Variants in DNAH6 observed in about 807,000 individuals in gnomAD.
DNAH6 encodes dynein axonemal heavy chain 6.
In DNAH6, 340 loss-of-function variants were observed where a neutral mutation model predicts 491.4. The observed-to-expected ratio is 0.69, with a 90% CI of 0.63 to 0.76. The LOEUF is 0.76. DNAH6 is among the 30% of genes least tolerant of loss of function. The probability of loss-of-function intolerance (pLI) is 0.00; values close to 1 mark genes in which losing one functional copy is unlikely to be tolerated. For missense variants in DNAH6, 4,443 were observed against 4,972.2 expected (o/e 0.89, Z 3.20); for synonymous variants, 1,603 against 1,686.1 (o/e 0.95, Z 1.21).
chr2:84,819,195 G>A (rs1005173770), intron 76 of DNAH6, 110 bp from the exon 77 acceptor site: 4 of 662,534 alleles, frequency 6.0e-6, no homozygotes, highest in Non-Finnish European at 5.1e-6. Flanking sequence ...GCATCTTTAG[G>A]GGCAAGTCAG....
chr2:84,520,769 T>C lies in DNAH6; in HGVS notation c.225+2718T>C, dbSNP rs554475718. 1.4e-4 allele frequency among the ~76,000 whole-genome samples: 21 copies of C among 152,282 alleles called. 1 individual carries two copies. Among genetic ancestry groups the C allele is most frequent in the Admixed American group, 1.2e-3 (19 of 15,292 alleles). Reference sequence around the variant, plus strand: ...GTTCTTTTTTATGGCTGTGTAGTATTTCATGGTGTATATATACCACATTTT... The same window carrying C: ...GTTCTTTTTTATGGCTGTGTAGTATCTCATGGTGTATATATACCACATTTT... On this transcript the variant is annotated intron_variant, in intron 2 of 76. Coordinates refer to ENST00000389394, the MANE Select transcript of DNAH6 (RefSeq NM_001370.2).
chr2:84,694,748 C>T (rs1218934381), intron 46 of DNAH6, among the ~76,000 whole-genome samples: 4 of 152,056 alleles, frequency 2.6e-5, no homozygotes, highest in African/African-American at 9.7e-5. Context: ...GCAAAGATAA[C>T]AGAAGGTAAT....
chr2:84,699,648 A>G lies in DNAH6; in HGVS notation c.7732A>G (p.Met2578Val), dbSNP rs1300514367. ...VRQKLHIVLC[M>V]SPVGEAFRSR... ...TCAGAAGCTGCACATTGTTCTCTGC[A>G]TGAGCCCAGTTGGGGAGGCCTTTCG... Residue 2578 changes from methionine (M) to valine (V), a missense_variant, in exon 48 of 77, where the codon ATG becomes GTG. Physicochemically the swap from Met to Val is conservative, Grantham distance 21 (BLOSUM62 1). Around this residue, in one of 3 missense-constraint regions of DNAH6, gnomAD observed 2,977 missense variants for 3,296.6 expected, o/e 0.90. Coordinates refer to ENST00000389394, the MANE Select transcript of DNAH6 (RefSeq NM_001370.2). 1.3e-6 allele frequency: 2 copies of G among 1,551,864 alleles called. No individual in the cohort carries two copies. Among genetic ancestry groups the G allele is most frequent in the South Asian group, 2.4e-5 (2 of 84,064 alleles).
intron 62 of DNAH6, among the ~76,000 whole-genome samples, chr2:84,737,804 A>G (rs1019999061): frequency 2.6e-5 from 4 of 151,708 alleles, no homozygotes; most frequent in East Asian, 1.9e-4. Context: ...GATCCTTTGT[A>G]TGGTTTTTGA....
chr2:84,699,212 A>T (rs902828038), intron 47 of DNAH6, among the ~76,000 whole-genome samples: 1 of 152,038 alleles, frequency 6.6e-6, no homozygotes, highest in South Asian at 2.1e-4. Context: ...AAAAACTCCC[A>T]TACCATGCAA....
intron 65 of DNAH6, among the ~76,000 whole-genome samples, chr2:84,783,566 T>C (rs1676901611): frequency 6.6e-6 from 1 of 152,194 alleles, no homozygotes; most frequent in Non-Finnish European, 1.5e-5. Context: ...AACTTTTAAT[T>C]TGGGCTATTT....
chr2:84,557,512 C>T (rs866561213), intron 10 of DNAH6, among the ~76,000 whole-genome samples: 7 of 150,316 alleles, frequency 4.7e-5, no homozygotes, highest in African/African-American at 1.5e-4. Flanking sequence ...TAGCTGGGCG[C>T]GGTGGCGGGC....
chr2:84,668,285 A>G (rs770015778), intron 37 of DNAH6, among the ~76,000 whole-genome samples: 1 of 152,242 alleles, frequency 6.6e-6, no homozygotes, highest in Non-Finnish European at 1.5e-5. Flanking sequence ...AAAAGAAAGT[A>G]GAGTGAATTG....
At chr2:84,485,208 T>C in the DNAH6 span, among the ~76,000 whole-genome samples, 2 of 152,088 alleles carry the variant, frequency 1.3e-5, no homozygotes, top group Non-Finnish European at 2.9e-5. Context: ...TGTTATCCGA[T>C]GGGGGGTTTG....
chr2:84,573,567 C>T lies in DNAH6; in HGVS notation c.1904C>T (p.Ala635Val). 1 of 1,576,326 alleles carries T rather than the reference C, an allele frequency of 6.3e-7. No homozygotes were observed. Among genetic ancestry groups the T allele is most frequent in the Non-Finnish European group, 8.6e-7 (1 of 1,169,530 alleles). Residue 635 changes from alanine to valine, a missense_variant, in exon 12 of 77, where the codon GCT (alanine) becomes GTT (valine). This residue lies in a region of DNAH6 where 2,977 missense variants were observed against 3,296.6 expected (regional missense o/e 0.90). Coordinates refer to ENST00000389394, the MANE Select transcript of DNAH6 (RefSeq NM_001370.2). ...FKENESLDLQ[A>V]LKLQEPDINF... Reference sequence around the variant, plus strand: ...GAAAATGAAAGTCTTGATTTACAAGCTCTTAAACTTCAGGAACCTGGTAAC... The same window carrying T: ...GAAAATGAAAGTCTTGATTTACAAGTTCTTAAACTTCAGGAACCTGGTAAC...
intron 76 of DNAH6, among the ~76,000 whole-genome samples, chr2:84,816,984 C>T (rs906834125): frequency 6.6e-6 from 1 of 151,896 alleles, no homozygotes. Flanking sequence ...TCTAGGTAAC[C>T]TGAAAGGAGA....
At chr2:84,638,317 A>G (rs982105124) in intron 31 of DNAH6, among the ~76,000 whole-genome samples, 4 of 152,052 alleles carry the variant, frequency 2.6e-5, no homozygotes, top group African/African-American at 9.7e-5. Context: ...GCTAAATTTT[A>G]TACGTATTTT....
At chr2:84,752,859 T>A (rs544018759) in intron 63 of DNAH6, among the ~76,000 whole-genome samples, 1 of 152,334 alleles carries the variant, frequency 6.6e-6, no homozygotes, top group African/African-American at 2.4e-5. Context: ...TTATGAATAA[T>A]GCTGCCATAA....
chr2:84,560,367 G>A (rs1328754816), intron 11 of DNAH6, among the ~76,000 whole-genome samples: 1 of 151,380 alleles, frequency 6.6e-6, no homozygotes, highest in Non-Finnish European at 1.5e-5. Flanking sequence ...AAAACTCATG[G>A]AAAGAAAATG....
chr2:84,547,177 A>G, intron 5 of DNAH6, 91 bp from the exon 6 acceptor site: 2 of 1,131,674 alleles, frequency 1.8e-6, no homozygotes. Context: ...GGTGTTTATT[A>G]TCCTTAATAA....
At position 84,797,569 on chromosome 2, in the gene DNAH6, C is replaced by T; in HGVS notation, c.11392C>T (p.Gln3798Ter). The T allele has an allele frequency of 6.4e-7, 1 of 1,551,782 alleles. No individual in the cohort carries two copies. The highest frequency in any genetic ancestry group is 1.2e-5 in the South Asian group (1 of 84,028). Residue 3798 changes from glutamine (Q) to a stop codon, truncating the protein, a stop_gained, in exon 70 of 77, where the codon CAA becomes TAA. Transcript: ENST00000389394. LOFTEE classifies it high-confidence loss of function. Reference sequence around the variant, plus strand: ...TTTTGCACCCATGGCTGACAGCCTACAAGAGTTTAAGGACTACATTGAAAA... The same window carrying T: ...TTTTGCACCCATGGCTGACAGCCTATAAGAGTTTAAGGACTACATTGAAAA... ...IYFAPMADSL[Q>*]EFKDYIENLP...
rs959507844 is a variant in DNAH6 at position 84,787,173 on chromosome 2, A to G, written c.11110A>G (p.Lys3704Glu). ...FFHAIIQERKKFGPLGWNICY... is the reference protein window; with the variant it reads ...FFHAIIQERKEFGPLGWNICY... ...TCATTTTTCATTTTAGGAGAGAAAG[A>G]AGTTTGGCCCCCTTGGTTGGAATAT... The change falls in exon 68 of 77, where the codon AAG becomes GAG. Residue 3704 changes from lysine to glutamate, a missense_variant. Coordinates refer to ENST00000389394, the MANE Select transcript of DNAH6 (RefSeq NM_001370.2). 5 of 1,506,656 alleles carry G rather than the reference A, an allele frequency of 3.3e-6. No individual in the cohort carries two copies. Among genetic ancestry groups the G allele is most frequent in the Admixed American group, 2.5e-5 (1 of 40,360 alleles). The allele number at this position is 1,506,656 out of a possible 1,614,324, so 93.3% of individuals were successfully genotyped here.
At chr2:84,784,697 GT>G (rs1559037886) in intron 65 of DNAH6, 24 bp from the exon 66 acceptor site, 2 of 1,477,574 alleles carry the variant, frequency 1.4e-6, no homozygotes, top group Admixed American at 4.1e-5. Flanking sequence ...TTCCTTTTTT[GT>G]TGTTTTATCT....
intron 16 of DNAH6, 68 bp from the exon 17 acceptor site, chr2:84,593,904 A>G (rs1684338001): frequency 1.4e-5 from 12 of 836,550 alleles, no homozygotes; most frequent in South Asian, 1.9e-5. Flanking sequence ...AATTACTAAT[A>G]GGAGAATAGC....
Sources: gnomAD v4.1 joint callset for allele counts (sites outside exome capture counted in the v4.1 genomes callset) on GRCh38, gnomAD v4.1.1 for gene constraint, gnomAD v4.1.1 regional missense constraint, MANE v1.5 for transcripts, NCBI Gene and HGNC (gene_info 2026-07-23, HGNC 2026-07-21) for gene names.